SBF2: variants seen among roughly 807,000 people sequenced by gnomAD.
The protein encoded by SBF2 is SET binding factor 2.
In SBF2, 112 loss-of-function variants were observed where a neutral mutation model predicts 225.2. The ratio of observed to expected loss-of-function variants is 0.50; its 90% CI spans 0.43 to 0.58. The LOEUF (loss-of-function observed/expected upper bound fraction) is 0.58, where lower values mean the gene tolerates loss of function less well. Among genes scored for constraint, SBF2 ranks in the 20% least tolerant of loss-of-function variants. The pLI is 0.00. For synonymous variants in SBF2, 763 were observed against 773.3 expected (o/e 0.99, Z 0.22); for missense variants, 1,996 against 2,206.2 (o/e 0.90, Z 1.91).
At chr11:10,117,411 A>G in intron 2 of SBF2, among the ~76,000 whole-genome samples, 1 of 146,650 alleles carries the variant, frequency 6.8e-6, no homozygotes, top group East Asian at 2.1e-4. Flanking sequence ...ATTGCACTCC[A>G]GCCTGGGCGA....
intron 2 of SBF2, among the ~76,000 whole-genome samples, chr11:10,137,473 C>G (rs1362057386): frequency 6.6e-6 from 1 of 152,146 alleles, no homozygotes; most frequent in Non-Finnish European, 1.5e-5. Flanking sequence ...TTCTTATTCT[C>G]AATCTTAGGG....
Position 10,294,037 on chromosome 11 carries a change from T to G in SBF2, c.33A>C (p.Val11=). The G allele has an allele frequency of 7.1e-7, 1 of 1,403,398 alleles. No individual in the cohort carries two copies. Among genetic ancestry groups the G allele is most frequent in the Non-Finnish European group, 9.3e-7 (1 of 1,072,554 alleles). 86.9% of individuals were successfully genotyped at this position (1,403,398 alleles called of 1,614,324 possible). Residue 11 remains valine (V), a synonymous_variant, in exon 1 of 40, where the codon GTA becomes GTC. Coordinates refer to ENST00000256190, the MANE Select transcript of SBF2 (RefSeq NM_030962.4). MARLADYFIV[V]GYDHEKPGSG... is the part of the protein sequence containing the mutation. Reference sequence around the variant, plus strand: ...TACCTGGCTTCTCGTGGTCATAGCCTACCACGATGAAGTAGTCAGCCAGCC... The same window carrying G: ...TACCTGGCTTCTCGTGGTCATAGCCGACCACGATGAAGTAGTCAGCCAGCC...
chr11:9,842,576 A>C, intron 25 of SBF2, 49 bp downstream of exon 25: 2 of 1,576,038 alleles, frequency 1.3e-6, no homozygotes, highest in Non-Finnish European at 1.7e-6. Context: ...TCTCTTATTC[A>C]TATAAGAAAT....
chr11:9,780,556 G>C (rs1273574406), intron 39 of SBF2, 40 bp from the exon 40 acceptor site: 1 of 1,562,118 alleles, frequency 6.4e-7, no homozygotes, highest in Non-Finnish European at 8.8e-7. Flanking sequence ...ATGAAGGGCA[G>C]GGCTGTTTTA....
intron 17 of SBF2, among the ~76,000 whole-genome samples, chr11:9,874,379 T>G (rs1174542762): frequency 1.3e-5 from 2 of 152,078 alleles, no homozygotes; most frequent in Non-Finnish European, 2.9e-5. Flanking sequence ...TCTACTCAAC[T>G]TTTCCAGAGA....
chr11:10,208,789 T>C (rs1957834219), intron 1 of SBF2, among the ~76,000 whole-genome samples: 1 of 152,058 alleles, frequency 6.6e-6, no homozygotes, highest in South Asian at 2.1e-4. Context: ...AATATATTGG[T>C]AGTATCTATA....
chr11:10,183,069 C>A (rs931610932), intron 2 of SBF2, among the ~76,000 whole-genome samples: 4 of 152,140 alleles, frequency 2.6e-5, no homozygotes, highest in South Asian at 2.1e-4. Flanking sequence ...CTGTGCCTGG[C>A]CAGTTTTTCT....
chr11:10,031,242 T>A, intron 3 of SBF2, 72 bp from the exon 4 acceptor site: 1 of 1,402,022 alleles, frequency 7.1e-7, no homozygotes, highest in African/African-American at 1.4e-5. Context: ...AAGATGAATA[T>A]CACCTTAAAT....
chr11:10,225,112 C>A (rs1437381309), intron 1 of SBF2, among the ~76,000 whole-genome samples: 3 of 151,950 alleles, frequency 2.0e-5, no homozygotes, highest in Non-Finnish European at 4.4e-5. Flanking sequence ...ATAAAGTGAA[C>A]ATAAAAACAT....
chr11:10,234,913 T>C (rs1959003860), intron 1 of SBF2, among the ~76,000 whole-genome samples: 2 of 152,220 alleles, frequency 1.3e-5, no homozygotes, highest in Admixed American at 6.5e-5. Flanking sequence ...GTATCTCTTA[T>C]ATGCCTCAGC....
chr11:10,279,106 TAAAAAAAAA>T (rs58093618), intron 1 of SBF2, among the ~76,000 whole-genome samples: 1 of 56,140 alleles, frequency 1.8e-5, no homozygotes, highest in Non-Finnish European at 3.2e-5. Context: ...GGTCTTGTAT[TAAAAAAAAA>T]AAAAAAAAAA....
At chr11:9,954,411 T>G (rs1166184291) in intron 16 of SBF2, among the ~76,000 whole-genome samples, 1 of 152,218 alleles carries the variant, frequency 6.6e-6, no homozygotes, top group East Asian at 1.9e-4. Context: ...AGTACGTTGT[T>G]GCATCAAGAA....
At chr11:10,247,157 T>C (rs561928084) in intron 1 of SBF2, among the ~76,000 whole-genome samples, 1 of 152,284 alleles carries the variant, frequency 6.6e-6, no homozygotes, top group East Asian at 1.9e-4. Flanking sequence ...AATGTAACAC[T>C]TTCCCAGCCA....
intron 2 of SBF2, among the ~76,000 whole-genome samples, chr11:10,089,068 A>C (rs1240699610): frequency 6.6e-6 from 1 of 152,118 alleles, no homozygotes; most frequent in Non-Finnish European, 1.5e-5. Flanking sequence ...AAAATGTATA[A>C]ACTTAGTGGG....
intron 1 of SBF2, among the ~76,000 whole-genome samples, chr11:10,276,777 T>C (rs924238984): frequency 6.6e-6 from 1 of 152,152 alleles, no homozygotes; most frequent in Non-Finnish European, 1.5e-5. Context: ...TGATAGTCTC[T>C]GCTTGTAAAA....
intron 3 of SBF2, among the ~76,000 whole-genome samples, chr11:10,031,497 TA>T (rs1949258067): frequency 6.6e-6 from 1 of 152,162 alleles, no homozygotes; most frequent in Non-Finnish European, 1.5e-5. Flanking sequence ...GTGACCCAAT[TA>T]AAAATTATAC....
At chr11:9,919,637 A>G (rs910479379) in intron 16 of SBF2, among the ~76,000 whole-genome samples, 3 of 152,186 alleles carry the variant, frequency 2.0e-5, no homozygotes, top group Non-Finnish European at 2.9e-5. Flanking sequence ...TCTATAGATA[A>G]CATAACCAAT....
chr11:9,949,483 A>G (rs981764564), intron 16 of SBF2, among the ~76,000 whole-genome samples: 2 of 152,190 alleles, frequency 1.3e-5, no homozygotes, highest in South Asian at 2.1e-4. Flanking sequence ...AACAGCTTCT[A>G]AGAACTTTTA....
rs1476971148 is a variant in SBF2, at chr11:10,294,118, C to T, written c.-49G>A. ...AGCGGGTCCCCGTCGCCGCCCTCGCCGCCGCCGCCCACCCGGCCCGGGAGG... is the reference window on the plus strand; with the variant it reads ...AGCGGGTCCCCGTCGCCGCCCTCGCTGCCGCCGCCCACCCGGCCCGGGAGG... On this transcript the variant is annotated 5_prime_UTR_variant, in exon 1 of 40. Transcript: ENST00000256190. 1.5e-6 allele frequency: 2 copies of T among 1,290,728 alleles called. No homozygotes were observed. The highest frequency in any genetic ancestry group is 1.6e-5 in the African/African-American group (1 of 63,950). The allele number at this position is 1,290,728 out of a possible 1,614,324, so 80.0% of individuals were successfully genotyped here. A position where few individuals can be genotyped will look rare whatever the true frequency, so the allele number is the denominator to read the frequency against.
Sources: gnomAD v4.1 joint callset for allele counts (sites outside exome capture counted in the v4.1 genomes callset) on GRCh38, gnomAD v4.1.1 for gene constraint, MANE v1.5 for transcripts, NCBI Gene and HGNC (gene_info 2026-07-23, HGNC 2026-07-21) for gene names.